ANO4: variants seen among roughly 807,000 people sequenced by gnomAD.
The protein encoded by ANO4 is anoctamin-4.
ANO4 carries 69 observed loss-of-function variants against 141.9 expected under a neutral mutation model. The ratio of observed to expected loss-of-function variants is 0.49; its 90% CI spans 0.40 to 0.59. The LOEUF is 0.59. Ranked by LOEUF, ANO4 falls within the 20% of genes least tolerant of loss-of-function variation. The probability of loss-of-function intolerance (pLI) is 0.00; values close to 1 mark genes in which losing one functional copy is unlikely to be tolerated. For synonymous variants in ANO4, 350 were observed against 394.3 expected (o/e 0.89, Z 1.33); for missense variants, 894 against 1,162.2 (o/e 0.77, Z 3.36).
chr12:100,742,847 A>G (rs969452451), intron 3 of ANO4, among the ~76,000 whole-genome samples: 8 of 152,158 alleles, frequency 5.3e-5, no homozygotes, highest in Non-Finnish European at 8.8e-5. Context: ...ACTAACTTCT[A>G]TAGTAGATTC....
At chr12:100,721,871 T>TTA (rs144224362) in intron 1 of ANO4, among the ~76,000 whole-genome samples, 12 of 149,814 alleles carry the variant, frequency 8.0e-5, no homozygotes, top group East Asian at 3.9e-4. Flanking sequence ...TTTTTTTTTT[T>TTA]AAGTAGAGGC....
At chr12:100,884,402 G>A (rs1364894703) in intron 1 of ANO4, among the ~76,000 whole-genome samples, 1 of 152,178 alleles carries the variant, frequency 6.6e-6, no homozygotes, top group Non-Finnish European at 1.5e-5. Context: ...CCACTGCCTT[G>A]GAGGCTGTGC....
At chr12:101,001,897 G>A (rs779993545) in intron 8 of ANO4, among the ~76,000 whole-genome samples, 3 of 152,022 alleles carry the variant, frequency 2.0e-5, no homozygotes, top group Non-Finnish European at 2.9e-5. Context: ...TTTGTCTGTG[G>A]GGAAAAACCT....
At chr12:100,923,624 T>C (rs1293365782) in intron 3 of ANO4, among the ~76,000 whole-genome samples, 7 of 152,234 alleles carry the variant, frequency 4.6e-5, no homozygotes, top group African/African-American at 1.7e-4. Flanking sequence ...TATAGTAGCA[T>C]GATTTATAAT....
At chr12:101,122,876 G>T (rs1377828613) in intron 26 of ANO4, among the ~76,000 whole-genome samples, 1 of 152,130 alleles carries the variant, frequency 6.6e-6, no homozygotes, top group African/African-American at 2.4e-5. Context: ...TTATATTCAA[G>T]CATCCAAGTA....
At chr12:100,903,053 C>T (rs575744008) in intron 2 of ANO4, among the ~76,000 whole-genome samples, 1 of 152,304 alleles carries the variant, frequency 6.6e-6, no homozygotes, top group East Asian at 1.9e-4. Flanking sequence ...TCCTCCCTTC[C>T]AAGCCAAACT....
intron 1 of ANO4, among the ~76,000 whole-genome samples, chr12:100,878,592 C>T (rs1437815303): frequency 1.3e-5 from 2 of 152,156 alleles, no homozygotes; most frequent in Admixed American, 6.5e-5. Flanking sequence ...TTGAGTCTTC[C>T]TCTACCCATA....
chr12:100,732,920 T>G lies in ANO4; in HGVS notation c.23-854T>G, dbSNP rs146023936. Among the ~76,000 whole-genome samples, 26 of 152,300 alleles carry G rather than the reference T, an allele frequency of 1.7e-4. 1 individual carries two copies. Among genetic ancestry groups the G allele is most frequent in the African/African-American group, 5.8e-4 (24 of 41,572 alleles). On this transcript the variant is annotated intron_variant, in intron 1 of 29. Transcript: ENST00000644049. ...TTTTGCCCCCCTCTGCCTAGAACAT[T>G]TTCTGTTCACGGTAATGAGGAAATT...
intron 1 of ANO4, among the ~76,000 whole-genome samples, chr12:100,731,110 T>C (rs910539391): frequency 1.3e-5 from 2 of 152,228 alleles, no homozygotes; most frequent in Non-Finnish European, 2.9e-5. Flanking sequence ...AAAGTCTGAA[T>C]TGATACGTTT....
intron 14 of ANO4, among the ~76,000 whole-genome samples, chr12:101,057,277 G>A (rs1035626169): frequency 2.0e-5 from 3 of 151,992 alleles, no homozygotes; most frequent in Non-Finnish European, 4.4e-5. Flanking sequence ...GGGTTGGTTC[G>A]AAGTCTTTGC....
intron 26 of ANO4, among the ~76,000 whole-genome samples, chr12:101,125,567 T>C (rs530985290): frequency 5.3e-4 from 80 of 151,936 alleles, no homozygotes; most frequent in Non-Finnish European, 8.6e-4. Context: ...GGAATGCTTA[T>C]TGAGAATTTT....
intron 5 of ANO4, among the ~76,000 whole-genome samples, chr12:100,951,619 T>A (rs752295520): frequency 6.6e-6 from 1 of 152,226 alleles, no homozygotes; most frequent in African/African-American, 2.4e-5. Flanking sequence ...TACTTATAAA[T>A]GGGAGCTGAA....
At chr12:100,771,816 C>T (rs924102314) in intron 3 of ANO4, among the ~76,000 whole-genome samples, 7 of 152,202 alleles carry the variant, frequency 4.6e-5, no homozygotes, top group African/African-American at 9.6e-5. Context: ...TGCGGGTATA[C>T]GTGAGTGTGG....
chr12:100,765,381 T>TTC (rs199871712), intron 3 of ANO4, among the ~76,000 whole-genome samples: 20 of 130,990 alleles, frequency 1.5e-4, no homozygotes, highest in African/African-American at 5.8e-4. Flanking sequence ...CTTTCTTTCT[T>TTC]TTTTTTTTTT....
intron 3 of ANO4, among the ~76,000 whole-genome samples, chr12:100,936,903 C>CAT (rs1390839723): frequency 1.3e-5 from 2 of 152,196 alleles, no homozygotes; most frequent in Non-Finnish European, 1.5e-5. Flanking sequence ...AACAGAAGCA[C>CAT]ATATTTACAC....
chr12:100,899,095 G>A (rs1565985373), intron 1 of ANO4, among the ~76,000 whole-genome samples: 2 of 152,146 alleles, frequency 1.3e-5, no homozygotes, highest in Admixed American at 1.3e-4. Context: ...GGGAGTAGAA[G>A]GCTCATACTT....
At chr12:101,019,179 T>G (rs932072970) in intron 8 of ANO4, among the ~76,000 whole-genome samples, 7 of 152,074 alleles carry the variant, frequency 4.6e-5, no homozygotes, top group Admixed American at 3.3e-4. Flanking sequence ...CCAAGGAAAG[T>G]TTGCAGGGTT....
intron 1 of ANO4, among the ~76,000 whole-genome samples, chr12:100,849,689 G>A (rs1319430771): frequency 6.6e-6 from 1 of 152,132 alleles, no homozygotes; most frequent in African/African-American, 2.4e-5. Context: ...CCATATCTGT[G>A]AATTCATTTT....
intron 2 of ANO4, among the ~76,000 whole-genome samples, chr12:100,912,296 G>A (rs2136068529): frequency 6.6e-6 from 1 of 150,580 alleles, no homozygotes; most frequent in East Asian, 2.0e-4. Context: ...TAGGGAGGCT[G>A]AGGCAGGAGA....
Sources: allele counts gnomAD v4.1 joint callset (sites outside exome capture counted in the v4.1 genomes callset), GRCh38; gene constraint gnomAD v4.1.1; transcripts MANE v1.5; gene names NCBI Gene and HGNC (gene_info 2026-07-23, HGNC 2026-07-21).